Variants in FRMD4B observed in about 807,000 individuals in gnomAD.
FRMD4B encodes FERM domain containing 4B, also known as FERM domain-containing protein 4B.
In FRMD4B, 74 loss-of-function variants were observed where a neutral mutation model predicts 141.5. The ratio of observed to expected loss-of-function variants is 0.52; its 90% confidence interval spans 0.43 to 0.63. The LOEUF (loss-of-function observed/expected upper bound fraction) is 0.63, where lower values mean the gene tolerates loss of function less well. FRMD4B is among the 30% of genes least tolerant of loss of function. The pLI is 0.00. For synonymous variants in FRMD4B, 506 were observed against 467.9 expected, an observed-to-expected ratio of 1.08 and a Z score of -1.05; for missense variants, 1,366 against 1,253.4, an observed-to-expected ratio of 1.09 and a Z score of -1.36.
chr3:69,450,726 C>T (rs780415347), intron 1 of FRMD4B, among the ~76,000 whole-genome samples: 4 of 151,460 alleles, frequency 2.6e-5, no homozygotes, highest in Non-Finnish European at 5.9e-5. Flanking sequence ...TGCACTCCAG[C>T]TTGGGCGACA....
intron 5 of FRMD4B, among the ~76,000 whole-genome samples, chr3:69,285,794 A>G (rs1700667479): frequency 1.3e-5 from 2 of 152,136 alleles, no homozygotes; most frequent in African/African-American, 4.8e-5. Context: ...CGGTGATCTG[A>G]GATGGCACCA....
At position 69,181,477 on chromosome 3, in the gene FRMD4B, G is replaced by A. The variant is rs778568198; in HGVS notation, c.2273C>T (p.Thr758Ile). The A allele has an allele frequency of 1.2e-6, 2 of 1,613,502 alleles. No homozygotes were observed. The highest frequency in any genetic ancestry group is 2.2e-5 in the South Asian group (2 of 91,070). ...GPYYTTQTLD[T>I]RTRGRRRSKK... ...TGACCTCCTCCGACCCCTGGTGCGA[G>A]TGTCCAGGGTCTGGGTGGTGTAATA... is the stretch of plus-strand genomic sequence containing the variant. Residue 758 changes from threonine to isoleucine, a missense_variant, in exon 21 of 23, where the codon ACT becomes ATT. Transcript: ENST00000398540.
chr3:69,218,060 G>C (rs1216280795), intron 10 of FRMD4B, among the ~76,000 whole-genome samples: 1 of 152,164 alleles, frequency 6.6e-6, no homozygotes, highest in African/African-American at 2.4e-5. Flanking sequence ...TGAAGATCTG[G>C]TAGTGCTAGA....
At chr3:69,295,843 G>A (rs923232138) in intron 4 of FRMD4B, among the ~76,000 whole-genome samples, 2 of 152,004 alleles carry the variant, frequency 1.3e-5, no homozygotes, top group Non-Finnish European at 2.9e-5. Context: ...TGGAGACAGG[G>A]TCTTGCTCTG....
At chr3:69,487,203 C>A (rs1322024400) in intron 1 of FRMD4B, among the ~76,000 whole-genome samples, 1 of 152,164 alleles carries the variant, frequency 6.6e-6, no homozygotes, top group Admixed American at 6.5e-5. Flanking sequence ...CATAGAACCT[C>A]TTTAAATGGC....
chr3:69,531,562 G>A (rs921460188), intron 1 of FRMD4B, among the ~76,000 whole-genome samples: 2 of 152,142 alleles, frequency 1.3e-5, no homozygotes, highest in Non-Finnish European at 2.9e-5. Flanking sequence ...TACATGGGGC[G>A]GAAAAAATGT....
At chr3:69,348,521 G>A (rs1703025780) in intron 1 of FRMD4B, among the ~76,000 whole-genome samples, 1 of 152,096 alleles carries the variant, frequency 6.6e-6, no homozygotes, top group African/African-American at 2.4e-5. Flanking sequence ...GGCTGGCAGA[G>A]ACACAACAAA....
In FRMD4B at chr3:69,473,517, G is replaced by A. The variant is rs138930307; in HGVS notation, c.-128-40756C>T. On this transcript the variant is annotated intron_variant, in intron 1 of 5. Transcript: ENST00000459638. ...CTCCCACAAAGCCCAGACCTCATATGGTTTTCATATAGCCATCTTGCATTT... is the reference window on the plus strand; with the variant it reads ...CTCCCACAAAGCCCAGACCTCATATAGTTTTCATATAGCCATCTTGCATTT... Among the ~76,000 whole-genome samples the A allele has an allele frequency of 3.5e-3, 526 of 152,150 alleles. 4 individuals are homozygous for A. The highest frequency in any genetic ancestry group is 0.012 in the African/African-American group (513 of 41,516).
At chr3:69,451,274 C>CAAAA (rs1705494721) in intron 1 of FRMD4B, among the ~76,000 whole-genome samples, 1 of 152,002 alleles carries the variant, frequency 6.6e-6, no homozygotes, top group Admixed American at 6.6e-5. Flanking sequence ...TGCACCAAAA[C>CAAAA]AAACAAACAA....
chr3:69,251,801 A>G (rs1356393606), intron 5 of FRMD4B, among the ~76,000 whole-genome samples: 2 of 152,248 alleles, frequency 1.3e-5, no homozygotes, highest in Non-Finnish European at 2.9e-5. Flanking sequence ...ATCTGGTGAA[A>G]GATGATGAGG....
intron 19 of FRMD4B, 139 bp from the exon 20 acceptor site, chr3:69,182,856 G>T: frequency 1.3e-6 from 1 of 778,252 alleles, no homozygotes; most frequent in Non-Finnish European, 2.1e-6. Flanking sequence ...GTGTCTTTGT[G>T]GTTCACTAAA....
At position 69,330,178 on chromosome 3, in the gene FRMD4B, T is replaced by C. The variant is rs567061556; in HGVS notation, c.163-16661A>G. Among the ~76,000 whole-genome samples the C allele has an allele frequency of 6.6e-5, 10 of 152,070 alleles. 1 individual carries two copies. Among genetic ancestry groups the C allele is most frequent in the Middle Eastern group, 3.4e-3 (1 of 290 alleles). On this transcript the variant is annotated intron_variant, in intron 1 of 22. Coordinates refer to ENST00000398540, the MANE Select transcript of FRMD4B (RefSeq NM_015123.3). ...GACAAATATTTGTGGAATGAACAAATGAGTTGATTTTCCTTCATTTCCATC... is the reference window on the plus strand; with the variant it reads ...GACAAATATTTGTGGAATGAACAAACGAGTTGATTTTCCTTCATTTCCATC...
At chr3:69,456,474 T>C (rs566567364) in intron 1 of FRMD4B, among the ~76,000 whole-genome samples, 3 of 151,954 alleles carry the variant, frequency 2.0e-5, no homozygotes, top group African/African-American at 7.3e-5. Context: ...TTAAGGAAAT[T>C]AAATGCCCGT....
chr3:69,466,276 A>G (rs1456552071), intron 1 of FRMD4B, among the ~76,000 whole-genome samples: 1 of 152,008 alleles, frequency 6.6e-6, no homozygotes. Flanking sequence ...AGTTCTTTGT[A>G]GATTCTGGAA....
At chr3:69,536,307 G>A (rs1399179776) in intron 1 of FRMD4B, 1 of 643,958 alleles carries the variant, frequency 1.6e-6, no homozygotes. Context: ...TTTTCCTCTT[G>A]TGCTTGGGAT....
rs1183784120 is a variant in FRMD4B at position 69,288,265 on chromosome 3, C to T, written c.417-429G>A. ...CGAACCCCAAAGCCTGCTTGAGGCT[C>T]GGGGGTTTTTAGACGGAGGGGCCTG... On this transcript the variant is annotated intron_variant, in intron 4 of 22. Coordinates refer to ENST00000398540, the MANE Select transcript of FRMD4B (RefSeq NM_015123.3). Among the ~76,000 whole-genome samples, 4 of 152,356 alleles carry T rather than the reference C, an allele frequency of 2.6e-5. No individual in the cohort carries two copies. The South Asian group carries it at 6.2e-4, about 24-fold the overall frequency.
chr3:69,480,476 G>C (rs373969123), intron 1 of FRMD4B, among the ~76,000 whole-genome samples: 3 of 152,304 alleles, frequency 2.0e-5, no homozygotes, highest in African/African-American at 7.2e-5. Flanking sequence ...GGTCCACTCC[G>C]GACGCTGTTT....
At chr3:69,210,061 G>A (rs1286174623) in intron 11 of FRMD4B, among the ~76,000 whole-genome samples, 2 of 151,902 alleles carry the variant, frequency 1.3e-5, no homozygotes. Flanking sequence ...AGGGATTTGG[G>A]AATTCCAATA....
At chr3:69,528,539 T>C (rs1284924840) in intron 1 of FRMD4B, among the ~76,000 whole-genome samples, 2 of 152,048 alleles carry the variant, frequency 1.3e-5, no homozygotes, top group African/African-American at 2.4e-5. Flanking sequence ...TAATTTTTTA[T>C]ATTTTTAGTA....
Sources: gnomAD v4.1 joint callset for allele counts (sites outside exome capture counted in the v4.1 genomes callset) on GRCh38, gnomAD v4.1.1 for gene constraint, MANE v1.5 for transcripts, NCBI Gene and HGNC (gene_info 2026-07-23, HGNC 2026-07-21) for gene names.